The following XIRP2 variants were observed in gnomAD, a reference collection of about 807,000 sequenced individuals.
The protein encoded by XIRP2 is xin actin binding repeat containing 2, also known as xin actin-binding repeat-containing protein 2.
In XIRP2, 236 loss-of-function variants were observed where a neutral mutation model predicts 277.0. The ratio of observed to expected loss-of-function variants is 0.85; its 90% CI spans 0.77 to 0.95. XIRP2 has a LOEUF of 0.95. Among genes scored for constraint, XIRP2 ranks in the 40% least tolerant of loss-of-function variants. The pLI, the probability that XIRP2 is intolerant of heterozygous loss-of-function variation, is 0.00. For synonymous variants in XIRP2, 1,490 were observed against 1,416.5 expected, an observed-to-expected ratio of 1.05 and a Z score of -1.17; for missense variants, 4,640 against 4,157.5, an observed-to-expected ratio of 1.12 and a Z score of -3.19.
At chr2:167,027,007 T>C (rs966411243) in intron 2 of XIRP2, among the ~76,000 whole-genome samples, 5 of 152,080 alleles carry the variant, frequency 3.3e-5, no homozygotes, top group African/African-American at 9.7e-5. Flanking sequence ...TTGAGGAGTA[T>C]CTTTGTGGCG....
intron 2 of XIRP2, among the ~76,000 whole-genome samples, chr2:166,965,841 C>T (rs1003637849): frequency 2.6e-5 from 4 of 151,832 alleles, no homozygotes; most frequent in African/African-American, 4.8e-5. Flanking sequence ...CCTTGCTGGC[C>T]TCCCAAAGTG....
In XIRP2 at chr2:167,240,763, A is replaced by G. The variant is rs745815784; in HGVS notation, c.1042+27A>G. On this transcript the variant is annotated intron_variant, in intron 7 of 10. Transcript: ENST00000409195. ...TAAGAGTCTGGTATTATTGGTTCCA[A>G]TACTCCTTTCTCCTATTGATGTGTT... is the stretch of plus-strand genomic sequence containing the variant. The G allele has an allele frequency of 4.9e-5, 78 of 1,589,822 alleles. No individual in the cohort carries two copies. In the Middle Eastern group the frequency reaches 2.3e-3, roughly 47 times the overall value.
At chr2:167,068,826 A>G (rs184434736) in intron 2 of XIRP2, among the ~76,000 whole-genome samples, 1 of 152,310 alleles carries the variant, frequency 6.6e-6, no homozygotes, top group Non-Finnish European at 1.5e-5. Flanking sequence ...TTTAAATGTT[A>G]TAAGATGTGT....
At chr2:167,123,381 T>C (rs1691109411) in intron 2 of XIRP2, among the ~76,000 whole-genome samples, 2 of 152,196 alleles carry the variant, frequency 1.3e-5, no homozygotes, top group Non-Finnish European at 2.9e-5. Context: ...TTAATAGATA[T>C]ATAAATGCCC....
At chr2:167,001,140 G>T (rs1687357090) in intron 2 of XIRP2, among the ~76,000 whole-genome samples, 1 of 151,996 alleles carries the variant, frequency 6.6e-6, no homozygotes. Context: ...ATATATTAGT[G>T]GGGTGGATGA....
chr2:167,181,173 G>A (rs1290849062), intron 3 of XIRP2, among the ~76,000 whole-genome samples: 1 of 152,226 alleles, frequency 6.6e-6, no homozygotes, highest in African/African-American at 2.4e-5. Context: ...TGGGGTAGGG[G>A]TGTAGCAGAG....
intron 2 of XIRP2, among the ~76,000 whole-genome samples, chr2:167,009,506 A>G (rs781196899): frequency 6.6e-6 from 1 of 151,982 alleles, no homozygotes; most frequent in Non-Finnish European, 1.5e-5. Context: ...GCTATTGTGA[A>G]TAGTGCCGCA....
chr2:167,198,256 G>A (rs1693577364), intron 3 of XIRP2, among the ~76,000 whole-genome samples: 1 of 152,166 alleles, frequency 6.6e-6, no homozygotes, highest in Non-Finnish European at 1.5e-5. Context: ...GCATTTATAG[G>A]CAAAGGGTAT....
At chr2:166,940,625 G>T (rs1197029179) in intron 2 of XIRP2, among the ~76,000 whole-genome samples, 1 of 152,138 alleles carries the variant, frequency 6.6e-6, no homozygotes, top group Non-Finnish European at 1.5e-5. Flanking sequence ...TGGGGTTTTG[G>T]TGTGGATATC....
intron 3 of XIRP2, among the ~76,000 whole-genome samples, chr2:167,168,332 T>C (rs1692583218): frequency 6.6e-6 from 1 of 152,172 alleles, no homozygotes; most frequent in South Asian, 2.1e-4. Flanking sequence ...TTTTTTCTGT[T>C]TCTTTCTCTC....
rs542068113 is a variant in XIRP2, at chr2:167,005,824, GA to G, written c.408+101935del. Among the ~76,000 whole-genome samples, 608 of 151,564 alleles carry G rather than the reference GA, an allele frequency of 4.0e-3. 3 individuals are homozygous for G. The highest frequency in any genetic ancestry group is 0.01 in the Middle Eastern group (3 of 294). On this transcript the variant is annotated intron_variant, in intron 2 of 10. Coordinates refer to ENST00000409195, the MANE Select transcript of XIRP2 (RefSeq NM_152381.6). ...AAAATTACACAACTGGCTGTTTGCT[GA>G]GCCAAAATTACAAAGGGCTTAAAAA...
At chr2:167,225,468 A>G (rs1051457512) in intron 5 of XIRP2, among the ~76,000 whole-genome samples, 1 of 152,184 alleles carries the variant, frequency 6.6e-6, no homozygotes, top group Non-Finnish European at 1.5e-5. Flanking sequence ...GAAGGTCAGT[A>G]TATTTCTATA....
At chr2:166,932,414 A>G (rs986772649) in intron 2 of XIRP2, among the ~76,000 whole-genome samples, 1 of 151,906 alleles carries the variant, frequency 6.6e-6, no homozygotes, top group Non-Finnish European at 1.5e-5. Flanking sequence ...AGGTCTTACT[A>G]TATTGCCCAG....
intron 2 of XIRP2, among the ~76,000 whole-genome samples, chr2:166,976,881 C>A (rs916113043): frequency 5.9e-5 from 9 of 152,058 alleles, no homozygotes; most frequent in African/African-American, 2.2e-4. Context: ...ACATTGTTAG[C>A]AATTCTTGAT....
intron 2 of XIRP2, among the ~76,000 whole-genome samples, chr2:166,932,304 C>A (rs1465238736): frequency 6.6e-6 from 1 of 151,534 alleles, no homozygotes; most frequent in Non-Finnish European, 1.5e-5. Context: ...GCAGTCTTAA[C>A]TTCCAGGGCT....
At chr2:167,027,197 T>C (rs909485627) in intron 2 of XIRP2, among the ~76,000 whole-genome samples, 4 of 152,144 alleles carry the variant, frequency 2.6e-5, no homozygotes, top group African/African-American at 9.7e-5. Context: ...GAGGCTTTGT[T>C]CATTTCTTTT....
intron 3 of XIRP2, among the ~76,000 whole-genome samples, chr2:167,156,787 T>C (rs1282866751): frequency 6.6e-6 from 1 of 152,176 alleles, no homozygotes; most frequent in African/African-American, 2.4e-5. Context: ...GATCAAGGCT[T>C]GAAGAGTATG....
chr2:167,250,643 T>TAAC lies in XIRP2; in HGVS notation c.9252_9253insACA (p.Val3084_Ala3085insThr), dbSNP rs1212921095. On this transcript the variant is annotated inframe_insertion, in exon 9 of 11. Transcript: ENST00000409195. ...AAAGAGAAAACAGTACAGCACCAAG[T>TAAC]AGCAGCTCATCATGAAGCAACTGTT... 15 of 1,613,470 alleles carry TAAC rather than the reference T, an allele frequency of 9.3e-6. No homozygotes were observed. The highest frequency in any genetic ancestry group is 1.2e-5 in the Non-Finnish European group (14 of 1,179,692).
intron 2 of XIRP2, among the ~76,000 whole-genome samples, chr2:166,985,230 G>A (rs928725348): frequency 2.0e-5 from 3 of 152,128 alleles, no homozygotes; most frequent in Non-Finnish European, 2.9e-5. Context: ...TGCAAGTACA[G>A]CTTAGTGACC....
Sources: allele counts gnomAD v4.1 joint callset (sites outside exome capture counted in the v4.1 genomes callset), GRCh38; gene constraint gnomAD v4.1.1; transcripts MANE v1.5; gene names NCBI Gene and HGNC (gene_info 2026-07-23, HGNC 2026-07-21).